Variants in PDZD2 observed in about 807,000 individuals in gnomAD.
The protein encoded by PDZD2 is PDZ domain containing 2.
PDZD2 carries 90 observed loss-of-function variants against 220.7 expected under a neutral mutation model. The ratio of observed to expected loss-of-function variants is 0.41; its 90% CI spans 0.34 to 0.49. PDZD2 has a LOEUF of 0.49. Among genes scored for constraint, PDZD2 ranks in the 20% least tolerant of loss-of-function variants. The pLI is 0.28. For missense variants in PDZD2, 3,174 were observed against 3,608.5 expected (o/e 0.88, Z 3.08); for synonymous variants, 1,375 against 1,450.5 (o/e 0.95, Z 1.18).
chr5:32,060,293 A>G (rs1019646498), intron 13 of PDZD2, among the ~76,000 whole-genome samples: 4 of 152,200 alleles, frequency 2.6e-5, no homozygotes, highest in Non-Finnish European at 4.4e-5. Context: ...GAATGATTCC[A>G]TATGTCTGGA....
intron 1 of PDZD2, among the ~76,000 whole-genome samples, chr5:31,709,134 C>T (rs939119100): frequency 1.3e-5 from 2 of 152,112 alleles, no homozygotes; most frequent in Admixed American, 1.3e-4. Context: ...GATCCGCCCA[C>T]CTCAGCCTTC....
chr5:31,930,664 A>T (rs1169964131), intron 2 of PDZD2, among the ~76,000 whole-genome samples: 3 of 152,216 alleles, frequency 2.0e-5, no homozygotes, highest in African/African-American at 7.2e-5. Context: ...CTCTGTGTGC[A>T]GGATATACTT....
chr5:31,806,327 A>C (rs2010151), intron 2 of PDZD2, among the ~76,000 whole-genome samples: 73,790 of 151,996 alleles, frequency 0.49, 18,446 homozygotes, highest in African/African-American at 0.6. Flanking sequence ...GAAAGAACAA[A>C]AAATTCAAGG....
chr5:31,867,040 T>C (rs1738289858), intron 2 of PDZD2, among the ~76,000 whole-genome samples: 1 of 152,198 alleles, frequency 6.6e-6, no homozygotes, highest in African/African-American at 2.4e-5. Flanking sequence ...CAGACCTCCA[T>C]GCCTTGACTC....
chr5:32,075,750 G>A (rs755277227), intron 18 of PDZD2, among the ~76,000 whole-genome samples: 49 of 152,072 alleles, frequency 3.2e-4, no homozygotes, highest in Non-Finnish European at 5.4e-4. Flanking sequence ...AATCTGAGAT[G>A]ACTTATAAAG....
Position 32,092,908 on chromosome 5 carries a change from T to G in PDZD2, c.7729T>G (p.Leu2577Val). The G allele has an allele frequency of 6.7e-7, 1 of 1,484,790 alleles. No homozygotes were observed. The highest frequency in any genetic ancestry group is 9.3e-7 in the Non-Finnish European group (1 of 1,070,080). The allele number at this position is 1,484,790 out of a possible 1,614,324, so 92.0% of individuals were successfully genotyped here. Residue 2577 changes from leucine to valine, a missense_variant and splice_region_variant, in exon 21 of 25, where the codon TTG becomes GTG. Physicochemically the swap from Leu to Val is conservative, Grantham distance 32. Coordinates refer to ENST00000438447, the MANE Select transcript of PDZD2 (RefSeq NM_178140.4). ...LPFRRSWSVN[L>V]DQLLVSAGDQ... ...TTCAAATATATTTATATTATTTAGT[T>G]TGGATCAACTTCTAGTCTCAGCGGG...
In PDZD2 at chr5:32,091,058, A is replaced by G. The variant is rs754031367; in HGVS notation, c.7610A>G (p.Asn2537Ser). ...GTTTCGTGTCCCGAGAAGGGCGGGA[A>G]CAGGGCCTGTCCAGGAGGAAGTGGC... ...GGVSCPEKGG[N>S]RACPGGSGPK... The change falls in exon 20 of 25, where the codon AAC becomes AGC. Residue 2537 changes from asparagine to serine, a missense_variant. By Grantham distance (46) the Asn-to-Ser change is conservative. This residue lies in a region of PDZD2 where 631 missense variants were observed against 789.9 expected (regional missense o/e 0.80). Transcript: ENST00000438447. The G allele has an allele frequency of 6.2e-6, 10 of 1,613,708 alleles. No individual in the cohort carries two copies. The South Asian group carries it at 1.1e-4, about 18-fold the overall frequency.
At chr5:32,107,706 CATAG>C (rs2111762899) in intron 24 of PDZD2, among the ~76,000 whole-genome samples, 1 of 152,294 alleles carries the variant, frequency 6.6e-6, no homozygotes, top group East Asian at 1.9e-4. Flanking sequence ...TGATTAAATA[CATAG>C]AGAGTATCTT....
intron 1 of PDZD2, among the ~76,000 whole-genome samples, chr5:31,784,855 C>G (rs1215183664): frequency 6.6e-6 from 1 of 151,728 alleles, no homozygotes; most frequent in Non-Finnish European, 1.5e-5. Flanking sequence ...TGCAGTGAGC[C>G]GAGATTGCAC....
At chr5:31,664,193 G>A (rs887802295) in intron 1 of PDZD2, among the ~76,000 whole-genome samples, 9 of 151,736 alleles carry the variant, frequency 5.9e-5, no homozygotes. Flanking sequence ...TTTGAGATGG[G>A]GGTCTTGCTG....
chr5:31,711,312 G>A (rs998665157), intron 1 of PDZD2, among the ~76,000 whole-genome samples: 1 of 152,208 alleles, frequency 6.6e-6, no homozygotes, highest in South Asian at 2.1e-4. Flanking sequence ...AACATGTACT[G>A]TGCCCCGAGC....
intron 24 of PDZD2, among the ~76,000 whole-genome samples, chr5:32,107,662 T>C (rs1744915556): frequency 6.6e-6 from 1 of 152,248 alleles, no homozygotes; most frequent in South Asian, 2.1e-4. Context: ...TCTTGTTGAC[T>C]TGTAGCTCTT....
At chr5:31,864,872 G>A (rs1402541752) in intron 2 of PDZD2, among the ~76,000 whole-genome samples, 3 of 123,424 alleles carry the variant, frequency 2.4e-5, no homozygotes, top group African/African-American at 6.2e-5. Context: ...TTTTTGAGAC[G>A]GAGTCTCGCT....
chr5:31,802,561 C>A (rs568955882), intron 2 of PDZD2, among the ~76,000 whole-genome samples: 2 of 152,228 alleles, frequency 1.3e-5, no homozygotes, highest in East Asian at 3.9e-4. Flanking sequence ...CAGTGGGATT[C>A]GTTAATTGTT....
chr5:31,649,544 G>T (rs751695792), intron 1 of PDZD2, among the ~76,000 whole-genome samples: 3 of 151,872 alleles, frequency 2.0e-5, no homozygotes, highest in Non-Finnish European at 4.4e-5. Flanking sequence ...TGGATCATAC[G>T]CTCCATTAAA....
chr5:32,039,028 A>G (rs1052129429), intron 7 of PDZD2, among the ~76,000 whole-genome samples: 2 of 152,084 alleles, frequency 1.3e-5, no homozygotes, highest in African/African-American at 2.4e-5. Flanking sequence ...CACTGCTCCA[A>G]GTTTATTCTC....
intron 2 of PDZD2, among the ~76,000 whole-genome samples, chr5:31,861,982 T>C (rs1051166089): frequency 6.6e-6 from 1 of 151,156 alleles, no homozygotes; most frequent in African/African-American, 2.4e-5. Context: ...ACTATATAGT[T>C]CATCATTATA....
At chr5:31,666,486 C>T (rs181165028) in intron 1 of PDZD2, among the ~76,000 whole-genome samples, 2 of 152,344 alleles carry the variant, frequency 1.3e-5, no homozygotes, top group East Asian at 3.9e-4. Flanking sequence ...TTCATACATG[C>T]AAGGGGCTTG....
chr5:31,865,093 C>T (rs1267390316), intron 2 of PDZD2, among the ~76,000 whole-genome samples: 3 of 151,806 alleles, frequency 2.0e-5, no homozygotes, highest in African/African-American at 4.8e-5. Context: ...GTGATCCGCC[C>T]GCCTCAGCCT....
Sources: gnomAD v4.1 joint callset for allele counts (sites outside exome capture counted in the v4.1 genomes callset) on GRCh38, gnomAD v4.1.1 for gene constraint, gnomAD v4.1.1 regional missense constraint, MANE v1.5 for transcripts, NCBI Gene and HGNC (gene_info 2026-07-23, HGNC 2026-07-21) for gene names.